Variants in XIRP2 observed in about 807,000 individuals in gnomAD.
XIRP2 encodes xin actin-binding repeat-containing protein 2.
In XIRP2, 236 loss-of-function variants were observed where a neutral mutation model predicts 277.0. That is an observed-to-expected ratio of 0.85 (90% CI 0.77 to 0.95). The LOEUF is 0.95. Among genes scored for constraint, XIRP2 ranks in the 40% least tolerant of loss-of-function variants. XIRP2 has a pLI of 0.00. For synonymous variants in XIRP2, 1,490 were observed against 1,416.5 expected, an observed-to-expected ratio of 1.05 and a Z score of -1.17; for missense variants, 4,640 against 4,157.5, an observed-to-expected ratio of 1.12 and a Z score of -3.19.
chr2:167,051,592 A>G (rs1688915703), intron 2 of XIRP2, among the ~76,000 whole-genome samples: 1 of 152,106 alleles, frequency 6.6e-6, no homozygotes, highest in Non-Finnish European at 1.5e-5. Flanking sequence ...TGTTTTTGAA[A>G]TTCATTCATT....
chr2:167,169,533 T>G (rs1262001808), intron 3 of XIRP2, among the ~76,000 whole-genome samples: 1 of 152,238 alleles, frequency 6.6e-6, no homozygotes, highest in Non-Finnish European at 1.5e-5. Context: ...CAGTTTGCCC[T>G]GTGACCTCAC....
chr2:167,163,681 G>A (rs1692434375), intron 3 of XIRP2, among the ~76,000 whole-genome samples: 1 of 152,078 alleles, frequency 6.6e-6, no homozygotes, highest in African/African-American at 2.4e-5. Context: ...AATTTATCAT[G>A]TTGTCTTTTA....
chr2:167,137,846 G>A (rs924929778), intron 3 of XIRP2, among the ~76,000 whole-genome samples: 12 of 152,076 alleles, frequency 7.9e-5, no homozygotes, highest in Admixed American at 4.6e-4. Flanking sequence ...TAATTCCTAC[G>A]TAGCAATACA....
Position 167,250,469 on chromosome 2 carries a change from A to G in XIRP2, c.9077A>G (p.Tyr3026Cys), listed in dbSNP as rs61748638. The change falls in exon 9 of 11, where the codon TAT becomes TGT. Residue 3026 changes from tyrosine to cysteine, a missense_variant. Tyr to Cys is a radical substitution (Grantham distance 194, BLOSUM62 -2). Coordinates refer to ENST00000409195, the MANE Select transcript of XIRP2 (RefSeq NM_152381.6). ...CAAGCGGAAGATATGCTTGTGTCCT[A>G]TGAAAATATAATTCAGACAGCCATG... ...KTQAEDMLVS[Y>C]ENIIQTAMMS... 1.3e-4 allele frequency: 208 copies of G among 1,613,426 alleles called. No homozygotes were observed. In the African/African-American group the frequency reaches 2.4e-3, roughly 19 times the overall value.
intron 2 of XIRP2, among the ~76,000 whole-genome samples, chr2:167,109,861 C>T (rs1487200765): frequency 2.6e-5 from 4 of 152,048 alleles, no homozygotes; most frequent in African/African-American, 7.2e-5. Context: ...TTAGTAATAG[C>T]CATTCTTACT....
At chr2:167,083,401 T>G (rs1317234228) in intron 2 of XIRP2, among the ~76,000 whole-genome samples, 13 of 152,348 alleles carry the variant, frequency 8.5e-5, no homozygotes, top group African/African-American at 2.2e-4. Context: ...TTGTTCTTTT[T>G]GCTTAGGATT....
At chr2:167,114,703 T>A in intron 2 of XIRP2, among the ~76,000 whole-genome samples, 1 of 152,028 alleles carries the variant, frequency 6.6e-6, no homozygotes, top group East Asian at 1.9e-4. Context: ...GTGTTTGGTT[T>A]TTTGTCCTTG....
At chr2:166,970,672 T>C (rs1558933870) in intron 2 of XIRP2, among the ~76,000 whole-genome samples, 1 of 151,944 alleles carries the variant, frequency 6.6e-6, no homozygotes, top group East Asian at 1.9e-4. Flanking sequence ...CACAGACAAA[T>C]GAAAAGGTAA....
At chr2:167,023,520 A>G (rs1688049540) in intron 2 of XIRP2, among the ~76,000 whole-genome samples, 1 of 152,014 alleles carries the variant, frequency 6.6e-6, no homozygotes, top group South Asian at 2.1e-4. Context: ...TTAGACATGA[A>G]GTCCTTGCCC....
At chr2:167,103,428 T>C (rs1285267498) in intron 2 of XIRP2, among the ~76,000 whole-genome samples, 1 of 152,172 alleles carries the variant, frequency 6.6e-6, no homozygotes, top group Non-Finnish European at 1.5e-5. Context: ...GTTGCTGCTC[T>C]TTGGCTTTGG....
chr2:166,958,150 C>T (rs949693454), intron 2 of XIRP2, among the ~76,000 whole-genome samples: 3 of 151,872 alleles, frequency 2.0e-5, no homozygotes, highest in African/African-American at 7.2e-5. Flanking sequence ...AGCTTGCTGC[C>T]TGAACATTTC....
intron 2 of XIRP2, among the ~76,000 whole-genome samples, chr2:167,028,635 C>A (rs545643091): frequency 2.0e-5 from 3 of 151,822 alleles, no homozygotes; most frequent in African/African-American, 7.2e-5. Flanking sequence ...CAATAAATAC[C>A]TAACTCTTCA....
At chr2:167,255,864 T>C (rs1276166547) in intron 10 of XIRP2, among the ~76,000 whole-genome samples, 1 of 151,932 alleles carries the variant, frequency 6.6e-6, no homozygotes, top group Non-Finnish European at 1.5e-5. Context: ...TCTGTGACCT[T>C]TATAACAAAA....
At chr2:166,971,379 A>C (rs144452369) in intron 2 of XIRP2, among the ~76,000 whole-genome samples, 2 of 152,204 alleles carry the variant, frequency 1.3e-5, no homozygotes, top group Non-Finnish European at 2.9e-5. Flanking sequence ...AAGAAAGGAA[A>C]AAAAAGTATG....
intron 2 of XIRP2, among the ~76,000 whole-genome samples, chr2:167,030,399 T>C (rs1558954841): frequency 1.3e-5 from 2 of 152,304 alleles, no homozygotes; most frequent in South Asian, 2.1e-4. Flanking sequence ...GCCGTAGATA[T>C]TCTGGTACAC....
intron 2 of XIRP2, among the ~76,000 whole-genome samples, chr2:166,982,757 C>A (rs1246160414): frequency 6.6e-6 from 1 of 152,088 alleles, no homozygotes; most frequent in African/African-American, 2.4e-5. Context: ...CTTTTTGTTC[C>A]TGTACATAAA....
chr2:166,916,616 A>G (rs1456853610), intron 2 of XIRP2, among the ~76,000 whole-genome samples: 3 of 152,062 alleles, frequency 2.0e-5, no homozygotes, highest in East Asian at 1.9e-4. Flanking sequence ...TTGAAGAAAT[A>G]AAATATTTCT....
chr2:167,033,714 A>G (rs1479795982), intron 2 of XIRP2, among the ~76,000 whole-genome samples: 1 of 152,188 alleles, frequency 6.6e-6, no homozygotes, highest in African/African-American at 2.4e-5. Flanking sequence ...ACAGGCCAAG[A>G]GAGAATGGCA....
At chr2:167,083,713 A>C (rs1375723833) in intron 2 of XIRP2, among the ~76,000 whole-genome samples, 1 of 152,188 alleles carries the variant, frequency 6.6e-6, no homozygotes, top group East Asian at 1.9e-4. Context: ...GCAATTGTGA[A>C]TGGCAGTTCA....
Sources: gnomAD v4.1 joint callset for allele counts (sites outside exome capture counted in the v4.1 genomes callset) on GRCh38, gnomAD v4.1.1 for gene constraint, MANE v1.5 for transcripts, NCBI Gene and HGNC (gene_info 2026-07-23, HGNC 2026-07-21) for gene names.